Variants in SH3TC2 observed in about 807,000 individuals in gnomAD.
The protein encoded by SH3TC2 is SH3 domain and tetratricopeptide repeat-containing protein 2.
SH3TC2 carries 87 observed loss-of-function variants against 124.5 expected under a neutral mutation model. That is an observed-to-expected ratio of 0.70 (90% CI 0.59 to 0.84). The LOEUF (loss-of-function observed/expected upper bound fraction) is 0.84, where lower values mean the gene tolerates loss of function less well. SH3TC2 is among the 40% of genes least tolerant of loss of function. The pLI is 0.00. For missense variants in SH3TC2, 1,536 were observed against 1,566.4 expected, an observed-to-expected ratio of 0.98 and a Z score of 0.33; for synonymous variants, 634 against 628.5, an observed-to-expected ratio of 1.01 and a Z score of -0.13.
At position 149,027,365 on chromosome 5, in the gene SH3TC2, C is replaced by T. The variant is rs1343784992; in HGVS notation, c.2367G>A (p.Leu789=). The part of the protein sequence containing the change: ...YLSQALVLGQ[L]LGEQESFESS... ...ACTCAAAGGATTCCTGCTCACCCAGCAGCTGCCCTAGCACCAAGGCCTGGC... is the reference window on the plus strand; with the variant it reads ...ACTCAAAGGATTCCTGCTCACCCAGTAGCTGCCCTAGCACCAAGGCCTGGC... Residue 789 remains leucine, a synonymous_variant, in exon 11 of 17, where the codon CTG becomes CTA. Transcript: ENST00000515425. 1.2e-6 allele frequency: 2 copies of T among 1,614,054 alleles called. No homozygotes were observed. Among genetic ancestry groups the T allele is most frequent in the South Asian group, 2.2e-5 (2 of 91,088 alleles).
rs147855933 is a variant in SH3TC2 at position 149,056,906 on chromosome 5, C to T, written c.53-4666G>A. Among the ~76,000 whole-genome samples, 537 of 151,874 alleles carry T rather than the reference C, an allele frequency of 3.5e-3. 7 individuals carry two copies. Among genetic ancestry groups the T allele is most frequent in the African/African-American group, 0.011 (464 of 41,460 alleles). ...ACTGTCATATAGAATAAATTACCTT[C>T]GAAAAAAATGTATGATTTTTATAAC... On this transcript the variant is annotated intron_variant, in intron 1 of 16. Coordinates refer to ENST00000515425, the MANE Select transcript of SH3TC2 (RefSeq NM_024577.4).
Position 149,038,448 on chromosome 5 carries a change from T to C in SH3TC2, c.848A>G (p.Glu283Gly), listed in dbSNP as rs1356337831. Residue 283 changes from glutamate to glycine, a missense_variant, in exon 8 of 17, where the codon GAA becomes GGA. This residue lies in a region of SH3TC2 where 1,102 missense variants were observed against 1,098.6 expected (regional missense o/e 1.00). Coordinates refer to ENST00000515425, the MANE Select transcript of SH3TC2 (RefSeq NM_024577.4). Reference sequence around the variant, plus strand: ...CTGGTAGAAATTCAGTTCATCCTTTTCTCCTGGCTCATAACCCGTCAAGGC... The same window carrying C: ...CTGGTAGAAATTCAGTTCATCCTTTCCTCCTGGCTCATAACCCGTCAAGGC... ...CKALTGYEPG[E>G]KDELNFYQGE... The C allele has an allele frequency of 1.9e-6, 3 of 1,614,098 alleles. No individual in the cohort carries two copies. The highest frequency in any genetic ancestry group is 8.5e-7 in the Non-Finnish European group (1 of 1,179,980).
At chr5:149,012,376 G>A (rs529437120) in intron 13 of SH3TC2, among the ~76,000 whole-genome samples, 19 of 152,260 alleles carry the variant, frequency 1.2e-4, no homozygotes, top group South Asian at 4.1e-4. Flanking sequence ...GGGTCTCAGC[G>A]ACTGGCCCTT....
chr5:149,028,020 A>G lies in SH3TC2; in HGVS notation c.1712T>C (p.Leu571Pro), dbSNP rs1580900970. The part of the protein sequence containing the change: ...AFEDLSLVAT[L>P]YINLAAIYLK... ...GTAGATGGCAGCCAAATTGATGTAC[A>G]GAGTGGCCACCAAGGATAGGTCCTC... The change falls in exon 11 of 17, where the codon CTG becomes CCG. Residue 571 changes from leucine to proline, a missense_variant. Physicochemically the swap from Leu to Pro is moderately conservative, Grantham distance 98 (BLOSUM62 -3). Coordinates refer to ENST00000515425, the MANE Select transcript of SH3TC2 (RefSeq NM_024577.4). 6.2e-7 allele frequency: 1 copy of G among 1,614,184 alleles called. No homozygotes were observed. Among genetic ancestry groups the G allele is most frequent in the Non-Finnish European group, 8.5e-7 (1 of 1,180,048 alleles).
In SH3TC2 at chr5:149,003,042, G is replaced by A. The variant is rs1223656742; in HGVS notation, c.*1669C>T. The A allele has an allele frequency of 6.6e-6, 1 of 152,642 alleles. No homozygotes were observed. The highest frequency in any genetic ancestry group is 2.4e-5 in the African/African-American group (1 of 41,448). 9.5% of individuals were successfully genotyped at this position (152,642 alleles called of 1,614,324 possible). ...GATTTTCATTTCAAACAATCTCACA[G>A]GTGATGCTGATGCTGCTGGTTAGTG... On this transcript the variant is annotated 3_prime_UTR_variant, in exon 17 of 17. Transcript: ENST00000515425.
Position 149,038,384 on chromosome 5 carries a change from C to G in SH3TC2, c.912G>C (p.Gly304=), listed in dbSNP as rs757204346. The G allele has an allele frequency of 1.9e-6, 3 of 1,614,056 alleles. No homozygotes were observed. Among genetic ancestry groups the G allele is most frequent in the Non-Finnish European group, 2.5e-6 (3 of 1,180,028 alleles). ...TCGACTTTCCAATGAACCACTGAAG[C>G]CCAGGTATGACAAAGCCGATGATCT... ...SIEIIGFVIP[G]LQWFIGKSTS... Residue 304 remains glycine, a synonymous_variant, in exon 8 of 17, where the codon GGG becomes GGC. Transcript: ENST00000515425.
At chr5:149,040,351 T>G (rs1025999886) in intron 7 of SH3TC2, among the ~76,000 whole-genome samples, 2 of 152,082 alleles carry the variant, frequency 1.3e-5, no homozygotes, top group Non-Finnish European at 2.9e-5. Flanking sequence ...CCTAATACCT[T>G]CCATCCAGGC....
In SH3TC2 at chr5:149,003,920, G is replaced by C. The variant is rs1021243292; in HGVS notation, c.*791C>G. 3.2e-5 allele frequency: 10 copies of C among 308,714 alleles called. No individual in the cohort carries two copies. Among genetic ancestry groups the C allele is most frequent in the African/African-American group, 2.0e-4 (9 of 44,930 alleles). 19.1% of individuals were successfully genotyped at this position (308,714 alleles called of 1,614,324 possible). On this transcript the variant is annotated 3_prime_UTR_variant, in exon 17 of 17. Coordinates refer to ENST00000515425, the MANE Select transcript of SH3TC2 (RefSeq NM_024577.4). ...ATCCATCAAGTCCTCCATCTCATCT[G>C]CCCCCATTGTGGATGAGACAAAATG...
intron 12 of SH3TC2, among the ~76,000 whole-genome samples, chr5:149,018,096 T>A (rs1256414316): frequency 6.6e-6 from 1 of 152,266 alleles, no homozygotes; most frequent in Non-Finnish European, 1.5e-5. Flanking sequence ...CAATCCCTGC[T>A]GGGAAGGCTC....
Position 148,999,315 on chromosome 5 carries a change from T to C in SH3TC2, c.*5396A>G. 6.6e-6 allele frequency among the ~76,000 whole-genome samples: 1 copy of C among 152,232 alleles called. No homozygotes were observed. The highest frequency in any genetic ancestry group is 1.9e-4 in the East Asian group (1 of 5,196). The stretch of plus-strand genomic sequence containing the variant: ...TCCTTGTCTATGACATAAGTAAGTC[T>C]GATATAATTCTGACAGCCCTGGGCT... On this transcript the variant is annotated 3_prime_UTR_variant, in exon 17 of 17. Transcript: ENST00000515425.
chr5:149,022,907 G>T (rs895034326), intron 12 of SH3TC2, among the ~76,000 whole-genome samples: 12 of 152,106 alleles, frequency 7.9e-5, no homozygotes, highest in Non-Finnish European at 1.8e-4. Flanking sequence ...ATGAGGAGTG[G>T]GTAATGAGGA....
In SH3TC2 at chr5:149,030,369, C is replaced by T. The variant is rs1400273967; in HGVS notation, c.1135+1185G>A. Among the ~76,000 whole-genome samples, 9 of 152,350 alleles carry T rather than the reference C, an allele frequency of 5.9e-5. No homozygotes were observed. In the East Asian group the frequency reaches 1.2e-3, roughly 20 times the overall value. ...GGACTGCACGCCGCAGAGCTGCACT[C>T]CTGATCTTTGAGTGAGAGTCAAGTG... On this transcript the variant is annotated intron_variant, in intron 9 of 16. Transcript: ENST00000515425.
chr5:149,014,173 C>T lies in SH3TC2; in HGVS notation c.3054-1439G>A, dbSNP rs77713189. On this transcript the variant is annotated intron_variant, in intron 12 of 16. Coordinates refer to ENST00000515425, the MANE Select transcript of SH3TC2 (RefSeq NM_024577.4). ...TTCCCAAAACATGATTTGTGGCCCA[C>T]CTGCATCAGCATTTCATAGGGAGCT... Among the ~76,000 whole-genome samples the T allele has an allele frequency of 1.9e-4, 29 of 152,300 alleles. 1 individual carries two copies. The East Asian group carries it at 5.6e-3, about 29-fold the overall frequency.
At position 149,000,163 on chromosome 5, in the gene SH3TC2, T is replaced by A. The variant is rs1032090565; in HGVS notation, c.*4548A>T. Among the ~76,000 whole-genome samples, 13 of 152,176 alleles carry A rather than the reference T, an allele frequency of 8.5e-5. No individual in the cohort carries two copies. The South Asian group carries it at 2.7e-3, about 31-fold the overall frequency. ...CAATCACAATGCTTCTGATACTGAA[T>A]CATATTACATAATATATCATTTGCC... is the stretch of plus-strand genomic sequence containing the variant. On this transcript the variant is annotated 3_prime_UTR_variant, in exon 17 of 17. Coordinates refer to ENST00000515425, the MANE Select transcript of SH3TC2 (RefSeq NM_024577.4).
Position 149,052,498 on chromosome 5 carries a change from C to A in SH3TC2, c.53-258G>T, listed in dbSNP as rs36076. ...AGATCCCCATTCACATATCGAACTACGTCTCATGGCTTAGAACACTGAAGG... is the reference window on the plus strand; with the variant it reads ...AGATCCCCATTCACATATCGAACTAAGTCTCATGGCTTAGAACACTGAAGG... On this transcript the variant is annotated intron_variant, in intron 1 of 16. Transcript: ENST00000515425. Among the ~76,000 whole-genome samples, 149,967 of 152,324 alleles carry A rather than the reference C, an allele frequency of 0.98. 73,839 individuals are homozygous for A. Among genetic ancestry groups the A allele is most frequent in the East Asian group, 1 (5,177 of 5,178 alleles).
rs1389759780 is a variant in SH3TC2, at chr5:148,998,659, A to G, written c.*6052T>C. Among the ~76,000 whole-genome samples the G allele has an allele frequency of 6.6e-6, 1 of 152,204 alleles. No homozygotes were observed. The highest frequency in any genetic ancestry group is 6.5e-5 in the Admixed American group (1 of 15,282). ...GCAGCCCCACTGTGCAGTCCTGGCC[A>G]CGCAAGTTATTCTTGATCCTGCACC... On this transcript the variant is annotated 3_prime_UTR_variant, in exon 17 of 17. Coordinates refer to ENST00000515425, the MANE Select transcript of SH3TC2 (RefSeq NM_024577.4).
At chr5:149,024,592 T>C (rs907751598) in intron 12 of SH3TC2, among the ~76,000 whole-genome samples, 1 of 152,322 alleles carries the variant, frequency 6.6e-6, no homozygotes, top group East Asian at 1.9e-4. Context: ...TCTTTACAGA[T>C]GGAAAGAGAC....
Position 148,988,454 on chromosome 5 carries a change from A to G in SH3TC2, c.*16257T>C, listed in dbSNP as rs572081330. Among the ~76,000 whole-genome samples, 29 of 152,330 alleles carry G rather than the reference A, an allele frequency of 1.9e-4. No individual in the cohort carries two copies. In the South Asian group the frequency reaches 5.4e-3, roughly 28 times the overall value. The stretch of plus-strand genomic sequence containing the variant: ...ACTGTGTGACTTCTGAGGCCAGGTC[A>G]TAGGAAGCTTTGCAGCTCCCCGTTT... On this transcript the variant is annotated 3_prime_UTR_variant, in exon 17 of 17. Transcript: ENST00000515425.
chr5:149,000,580 A>G lies in SH3TC2; in HGVS notation c.*4131T>C, dbSNP rs141113906. Reference sequence around the variant, plus strand: ...TAAGTTAATATGAGTAAAAGAAGTAAATCAATTTAGAAAATGTTTTGTAAA... The same window carrying G: ...TAAGTTAATATGAGTAAAAGAAGTAGATCAATTTAGAAAATGTTTTGTAAA... On this transcript the variant is annotated 3_prime_UTR_variant, in exon 17 of 17. Coordinates refer to ENST00000515425, the MANE Select transcript of SH3TC2 (RefSeq NM_024577.4). Among the ~76,000 whole-genome samples the G allele has an allele frequency of 7.5e-4, 114 of 152,334 alleles. 1 individual carries two copies. Among genetic ancestry groups the G allele is most frequent in the Non-Finnish European group, 1.4e-3 (95 of 68,038 alleles).
Sources: gnomAD v4.1 joint callset for allele counts (sites outside exome capture counted in the v4.1 genomes callset) on GRCh38, gnomAD v4.1.1 for gene constraint, gnomAD v4.1.1 regional missense constraint, MANE v1.5 for transcripts, NCBI Gene and HGNC (gene_info 2026-07-23, HGNC 2026-07-21) for gene names.